Variants in PARM1 observed in about 807,000 individuals in gnomAD.
PARM1 encodes prostate androgen-regulated mucin-like protein 1, also known as WSC4, cell wall integrity and stress response component 4 homolog.
Under a neutral mutation model 24.6 loss-of-function variants are expected in PARM1, and 14 were observed. The ratio of observed to expected loss-of-function variants is 0.57; its 90% CI spans 0.38 to 0.89. The LOEUF (loss-of-function observed/expected upper bound fraction) is 0.89. PARM1 is among the 40% of genes least tolerant of loss of function. The pLI, the probability that PARM1 is intolerant of heterozygous loss-of-function variation, is 0.00. For missense variants in PARM1, 362 were observed against 380.4 expected, an observed-to-expected ratio of 0.95 and a Z score of 0.40; for synonymous variants, 179 against 156.6, an observed-to-expected ratio of 1.14 and a Z score of -1.07.
chr4:74,963,966 T>G (rs1328509214), intron 1 of PARM1, among the ~76,000 whole-genome samples: 5 of 134,706 alleles, frequency 3.7e-5, no homozygotes, highest in African/African-American at 8.3e-5. Context: ...ATGGGACTGT[T>G]GTACCTGATC....
intron 1 of PARM1, among the ~76,000 whole-genome samples, chr4:74,968,783 A>G (rs1721963621): frequency 6.6e-6 from 1 of 152,230 alleles, no homozygotes; most frequent in African/African-American, 2.4e-5. Context: ...ACTCAAAGGT[A>G]GCAAAATACA....
chr4:74,987,192 T>C (rs1722374362), intron 1 of PARM1, among the ~76,000 whole-genome samples: 1 of 152,212 alleles, frequency 6.6e-6, no homozygotes, highest in African/African-American at 2.4e-5. Context: ...ACGGACTACC[T>C]AGTGCCTCAG....
At chr4:74,949,878 A>G (rs1721490931) in intron 1 of PARM1, among the ~76,000 whole-genome samples, 1 of 151,964 alleles carries the variant, frequency 6.6e-6, no homozygotes, top group South Asian at 2.1e-4. Context: ...TGCAACAGAA[A>G]AAGAGTGACA....
intron 1 of PARM1, among the ~76,000 whole-genome samples, chr4:74,965,675 A>T (rs1228374344): frequency 6.6e-6 from 1 of 152,214 alleles, no homozygotes; most frequent in Admixed American, 6.5e-5. Context: ...GTGTGATAAG[A>T]AGAATACTTC....
chr4:75,000,272 T>A (rs1367114602), intron 1 of PARM1, among the ~76,000 whole-genome samples: 2 of 152,234 alleles, frequency 1.3e-5, no homozygotes, highest in African/African-American at 4.8e-5. Flanking sequence ...GTGTTAGGCA[T>A]TGTGATTAGC....
At chr4:74,986,048 T>G (rs532676073) in intron 1 of PARM1, among the ~76,000 whole-genome samples, 3 of 152,358 alleles carry the variant, frequency 2.0e-5, no homozygotes, top group African/African-American at 7.2e-5. Context: ...ATTACAGGCA[T>G]GAGCCACTGC....
chr4:74,934,785 A>G lies in PARM1; in HGVS notation c.43+1415A>G, dbSNP rs568788655. Among the ~76,000 whole-genome samples the G allele has an allele frequency of 7.9e-5, 12 of 152,254 alleles. No individual in the cohort carries two copies. In the East Asian group the frequency reaches 1.5e-3, roughly 20 times the overall value. On this transcript the variant is annotated intron_variant, in intron 1 of 3. Coordinates refer to ENST00000307428, the MANE Select transcript of PARM1 (RefSeq NM_015393.4). The stretch of plus-strand genomic sequence containing the variant: ...ACGTAATGACACGGAAGGTACCTTT[A>G]CTTCTCCTCACTCAAAAATCTTTTC...
intron 1 of PARM1, among the ~76,000 whole-genome samples, chr4:74,980,670 A>G (rs973471703): frequency 6.6e-6 from 1 of 152,232 alleles, no homozygotes; most frequent in Non-Finnish European, 1.5e-5. Flanking sequence ...TCCTAAGCAA[A>G]AAGAACAAAG....
chr4:75,025,403 A>T (rs751591048), intron 2 of PARM1, among the ~76,000 whole-genome samples: 51 of 152,226 alleles, frequency 3.4e-4, no homozygotes, highest in African/African-American at 1.2e-3. Flanking sequence ...ATCTCTCATT[A>T]TTCTTAGAAA....
At chr4:74,956,897 C>A (rs1721647989) in intron 1 of PARM1, 1 of 152,198 alleles carries the variant, frequency 6.6e-6, no homozygotes, top group South Asian at 2.1e-4. Context: ...GGGCTAAATA[C>A]ATAAAATAAT....
chr4:74,935,340 G>T (rs1226870573), intron 1 of PARM1, among the ~76,000 whole-genome samples: 1 of 152,150 alleles, frequency 6.6e-6, no homozygotes, highest in Non-Finnish European at 1.5e-5. Flanking sequence ...TGTTGTTAGA[G>T]CTACTTTGCA....
intron 1 of PARM1, among the ~76,000 whole-genome samples, chr4:75,011,434 T>C (rs1178276764): frequency 6.6e-6 from 1 of 151,772 alleles, no homozygotes; most frequent in Non-Finnish European, 1.5e-5. Flanking sequence ...GGGGGTCCCA[T>C]CTACTGAGAT....
chr4:75,007,788 GAATTAGTGCCC>G (rs1158034060), intron 1 of PARM1, among the ~76,000 whole-genome samples: 1 of 152,150 alleles, frequency 6.6e-6, no homozygotes, highest in Non-Finnish European at 1.5e-5. Context: ...CCTTATGATG[GAATTAGTGCCC>G]TTATAAGAAG....
chr4:75,046,027 G>T, intron 3 of PARM1, 136 bp from the exon 4 acceptor site: 1 of 598,834 alleles, frequency 1.7e-6, no homozygotes, highest in Middle Eastern at 3.0e-4. Flanking sequence ...GGGTGGGTCT[G>T]CTGTCCTAGT....
intron 2 of PARM1, among the ~76,000 whole-genome samples, chr4:75,033,181 A>G (rs1052449974): frequency 6.6e-6 from 1 of 152,212 alleles, no homozygotes; most frequent in African/African-American, 2.4e-5. Context: ...ATTTCTACAA[A>G]CAAAAAATAG....
intron 1 of PARM1, among the ~76,000 whole-genome samples, chr4:74,980,290 G>C (rs544569872): frequency 2.0e-5 from 3 of 152,144 alleles, no homozygotes; most frequent in African/African-American, 7.2e-5. Flanking sequence ...AAATCAGTTT[G>C]CAAAAATCAC....
chr4:74,992,907 A>G (rs1722507472), intron 1 of PARM1, among the ~76,000 whole-genome samples: 1 of 152,164 alleles, frequency 6.6e-6, no homozygotes, highest in East Asian at 1.9e-4. Flanking sequence ...AGTGCTCCAG[A>G]AAGTATCTTT....
chr4:75,019,449 A>G (rs1723048396), intron 2 of PARM1, among the ~76,000 whole-genome samples: 1 of 152,252 alleles, frequency 6.6e-6, no homozygotes, highest in Non-Finnish European at 1.5e-5. Context: ...TATTTTCACC[A>G]TAAAGAGAAG....
intron 3 of PARM1, 72 bp from the exon 4 acceptor site, chr4:75,046,091 G>A: frequency 1.1e-6 from 1 of 930,654 alleles, no homozygotes; most frequent in Non-Finnish European, 1.7e-6. Context: ...CCAGTTCAGT[G>A]CAGGGCATTA....
Sources: gnomAD v4.1 joint callset for allele counts (sites outside exome capture counted in the v4.1 genomes callset) on GRCh38, gnomAD v4.1.1 for gene constraint, MANE v1.5 for transcripts, NCBI Gene and HGNC (gene_info 2026-07-23, HGNC 2026-07-21) for gene names.